The following PRKG1 variants were observed in gnomAD, a reference collection of about 807,000 sequenced individuals.
The protein encoded by PRKG1 is cGMP-dependent protein kinase 1.
PRKG1 carries 35 observed loss-of-function variants against 88.1 expected under a neutral mutation model. The observed-to-expected ratio is 0.40, with a 90% CI of 0.30 to 0.53. The LOEUF (loss-of-function observed/expected upper bound fraction) is 0.53, where lower values mean the gene tolerates loss of function less well. Ranked by LOEUF, PRKG1 falls within the 20% of genes least tolerant of loss-of-function variation. The probability of loss-of-function intolerance (pLI) is 0.59; values close to 1 mark genes in which losing one functional copy is unlikely to be tolerated. For missense variants in PRKG1, 540 were observed against 839.8 expected, an observed-to-expected ratio of 0.64 and a Z score of 4.41; for synonymous variants, 303 against 292.5, an observed-to-expected ratio of 1.04 and a Z score of -0.37.
At chr10:51,214,707 A>T (rs1838324301) in intron 2 of PRKG1, among the ~76,000 whole-genome samples, 1 of 151,968 alleles carries the variant, frequency 6.6e-6, no homozygotes, top group East Asian at 1.9e-4. Context: ...CAAACCGCTG[A>T]GCTCAAGCAG....
chr10:51,235,140 T>C (rs1213983963), intron 2 of PRKG1, among the ~76,000 whole-genome samples: 4 of 152,136 alleles, frequency 2.6e-5, no homozygotes, highest in African/African-American at 9.7e-5. Context: ...TTACCTTCCA[T>C]AGAAACACAA....
intron 2 of PRKG1, among the ~76,000 whole-genome samples, chr10:51,388,281 G>T (rs959349156): frequency 3.3e-5 from 5 of 152,150 alleles, no homozygotes; most frequent in African/African-American, 1.2e-4. Context: ...GAAGACATCT[G>T]ATCTGACTCT....
At chr10:52,107,749 C>T (rs994598634) in intron 7 of PRKG1, among the ~76,000 whole-genome samples, 42 of 152,114 alleles carry the variant, frequency 2.8e-4, no homozygotes, top group Admixed American at 9.2e-4. Context: ...GTCTATGGGC[C>T]ATGGATTTTC....
At chr10:52,142,817 G>T (rs1837619298) in intron 8 of PRKG1, among the ~76,000 whole-genome samples, 1 of 152,012 alleles carries the variant, frequency 6.6e-6, no homozygotes, top group Non-Finnish European at 1.5e-5. Context: ...CCTTTTACTT[G>T]CCATACCATA....
At chr10:52,274,799 T>C (rs1378255951) in intron 12 of PRKG1, among the ~76,000 whole-genome samples, 1 of 152,076 alleles carries the variant, frequency 6.6e-6, no homozygotes, top group Non-Finnish European at 1.5e-5. Flanking sequence ...TTCCCTCCAG[T>C]AGTGTAGAAG....
At chr10:52,138,163 C>T (rs1589640350) in intron 8 of PRKG1, among the ~76,000 whole-genome samples, 1 of 151,970 alleles carries the variant, frequency 6.6e-6, no homozygotes, top group South Asian at 2.1e-4. Flanking sequence ...CTGCATGTCT[C>T]TCCCACTCCT....
intron 5 of PRKG1, among the ~76,000 whole-genome samples, chr10:52,008,534 A>C (rs1176584302): frequency 6.6e-6 from 1 of 152,172 alleles, no homozygotes; most frequent in African/African-American, 2.4e-5. Context: ...GAAGAGATGC[A>C]TAAATTCCTG....
At chr10:51,480,400 A>G (rs1840319803) in intron 3 of PRKG1, among the ~76,000 whole-genome samples, 1 of 152,026 alleles carries the variant, frequency 6.6e-6, no homozygotes, top group African/African-American at 2.4e-5. Flanking sequence ...CTCTACTTAA[A>G]CTCCTCAAGA....
intron 5 of PRKG1, among the ~76,000 whole-genome samples, chr10:51,979,256 C>T (rs2199584): frequency 0.77 from 117,149 of 151,756 alleles, 45,360 homozygotes; most frequent in African/African-American, 0.8. Flanking sequence ...TGATGAATCA[C>T]AGTTATTGAT....
chr10:51,729,561 G>T (rs1340126013), intron 3 of PRKG1, among the ~76,000 whole-genome samples: 1 of 151,720 alleles, frequency 6.6e-6, no homozygotes, highest in African/African-American at 2.4e-5. Context: ...ACAAAAATTA[G>T]CTGGGCATAG....
chr10:51,406,478 T>C (rs1320349666), intron 2 of PRKG1, among the ~76,000 whole-genome samples: 1 of 152,206 alleles, frequency 6.6e-6, no homozygotes, highest in Non-Finnish European at 1.5e-5. Flanking sequence ...ACTGGGGGCC[T>C]GCTGCAAATG....
intron 2 of PRKG1, among the ~76,000 whole-genome samples, chr10:51,424,650 C>A (rs1588945196): frequency 6.6e-6 from 1 of 152,062 alleles, no homozygotes; most frequent in East Asian, 1.9e-4. Context: ...AGTTACATGA[C>A]CCCTACTAAG....
chr10:51,092,719 A>G (rs1156328737), intron 1 of PRKG1, among the ~76,000 whole-genome samples: 1 of 147,994 alleles, frequency 6.8e-6, no homozygotes, highest in Non-Finnish European at 1.5e-5. Context: ...TTTCAGTGTG[A>G]GAGAATAAAG....
At chr10:51,711,165 G>C (rs1256384627) in intron 3 of PRKG1, among the ~76,000 whole-genome samples, 1 of 152,098 alleles carries the variant, frequency 6.6e-6, no homozygotes, top group Non-Finnish European at 1.5e-5. Flanking sequence ...GAGTGCAGTG[G>C]TGCAATCTTG....
intron 2 of PRKG1, among the ~76,000 whole-genome samples, chr10:51,204,366 C>A (rs955263277): frequency 1.4e-4 from 16 of 118,298 alleles, no homozygotes; most frequent in African/African-American, 6.3e-4. Context: ...GAGTAGACCT[C>A]CGTGTGTGTG....
intron 2 of PRKG1, among the ~76,000 whole-genome samples, chr10:51,282,384 G>C (rs2132204706): frequency 6.6e-6 from 1 of 152,248 alleles, no homozygotes; most frequent in South Asian, 2.1e-4. Context: ...GAGAGATGTA[G>C]AGTCACCAGC....
chr10:51,772,997 A>G (rs1838344347), intron 3 of PRKG1, among the ~76,000 whole-genome samples: 1 of 152,080 alleles, frequency 6.6e-6, no homozygotes, highest in African/African-American at 2.4e-5. Flanking sequence ...TGCATCAGTT[A>G]GTAAAAATTA....
chr10:51,837,461 AT>A (rs922450170), intron 4 of PRKG1, among the ~76,000 whole-genome samples: 1 of 152,014 alleles, frequency 6.6e-6, no homozygotes, highest in Admixed American at 6.6e-5. Flanking sequence ...GCTACCACAC[AT>A]TTTTTTAAAT....
intron 1 of PRKG1, among the ~76,000 whole-genome samples, chr10:51,102,278 G>A (rs12220644): frequency 0.22 from 33,339 of 152,076 alleles, 3,797 homozygotes; most frequent in Admixed American, 0.27. Flanking sequence ...TAATGACAGT[G>A]TTTAACAATC....
Sources: gnomAD v4.1 joint callset for allele counts (sites outside exome capture counted in the v4.1 genomes callset) on GRCh38, gnomAD v4.1.1 for gene constraint, MANE v1.5 for transcripts, NCBI Gene and HGNC (gene_info 2026-07-23, HGNC 2026-07-21) for gene names.